The following UNC13C variants were observed in gnomAD, a reference collection of about 807,000 sequenced individuals.
UNC13C encodes protein unc-13 homolog C.
UNC13C carries 174 observed loss-of-function variants against 245.4 expected under a neutral mutation model. The ratio of observed to expected loss-of-function variants is 0.71; its 90% CI spans 0.63 to 0.80. UNC13C has a LOEUF of 0.80. Ranked by LOEUF, UNC13C falls within the 30% of genes least tolerant of loss-of-function variation. The probability of loss-of-function intolerance (pLI) is 0.00; values close to 1 mark genes in which losing one functional copy is unlikely to be tolerated. For synonymous variants in UNC13C, 992 were observed against 895.1 expected (o/e 1.11, Z -1.93); for missense variants, 2,829 against 2,602.9 (o/e 1.09, Z -1.89).
intron 2 of UNC13C, among the ~76,000 whole-genome samples, chr15:54,039,783 G>T (rs543690037): frequency 5.3e-5 from 8 of 152,048 alleles, no homozygotes; most frequent in African/African-American, 1.9e-4. Flanking sequence ...TCACTTGGGT[G>T]TCTAGAATCT....
At chr15:53,993,455 G>A (rs1465622112) in intron 1 of UNC13C, among the ~76,000 whole-genome samples, 1 of 152,046 alleles carries the variant, frequency 6.6e-6, no homozygotes, top group Non-Finnish European at 1.5e-5. Flanking sequence ...AAGTTGAAGG[G>A]ATGAGTGACT....
At chr15:54,332,957 A>G (rs34238399) in intron 15 of UNC13C, among the ~76,000 whole-genome samples, 41,768 of 151,610 alleles carry the variant, frequency 0.28, 6,191 homozygotes, top group Admixed American at 0.36. Context: ...TGGATCTGGG[A>G]CCAACATAAT....
intron 4 of UNC13C, among the ~76,000 whole-genome samples, chr15:54,152,940 T>C (rs1453180412): frequency 6.6e-6 from 1 of 152,186 alleles, no homozygotes; most frequent in Admixed American, 6.5e-5. Flanking sequence ...TATCTTTTAA[T>C]GAATGAATAC....
At chr15:54,235,603 T>C (rs1244631400) in intron 5 of UNC13C, among the ~76,000 whole-genome samples, 1 of 152,078 alleles carries the variant, frequency 6.6e-6, no homozygotes, top group Non-Finnish European at 1.5e-5. Context: ...AAAATCATGG[T>C]TCACTTTGGG....
At chr15:53,865,175 G>A in the UNC13C span, among the ~76,000 whole-genome samples, 1 of 152,182 alleles carries the variant, frequency 6.6e-6, no homozygotes, top group Admixed American at 6.5e-5. Context: ...TGTAGCTTAA[G>A]AATATCAACA....
At chr15:54,226,485 G>C (rs2035388003) in intron 4 of UNC13C, among the ~76,000 whole-genome samples, 1 of 152,166 alleles carries the variant, frequency 6.6e-6, no homozygotes, top group Admixed American at 6.5e-5. Flanking sequence ...CAATTTGCTA[G>C]CTGGAAACCT....
intron 2 of UNC13C, among the ~76,000 whole-genome samples, chr15:54,047,012 C>A (rs939935294): frequency 3.9e-5 from 6 of 152,050 alleles, no homozygotes; most frequent in African/African-American, 1.4e-4. Context: ...CATAAACGCA[C>A]TCTATAATGT....
intron 10 of UNC13C, among the ~76,000 whole-genome samples, chr15:54,290,909 GATTT>G (rs2037280561): frequency 6.6e-6 from 1 of 151,946 alleles, no homozygotes. Context: ...AAACTCTGAT[GATTT>G]ATTTATCAAA....
chr15:53,875,539 A>T, the UNC13C span, among the ~76,000 whole-genome samples: 10 of 152,094 alleles, frequency 6.6e-5, no homozygotes, highest in Admixed American at 5.2e-4. Context: ...AGATTTTCCA[A>T]AAAACAAGTC....
chr15:54,157,822 C>T (rs1268772445), intron 4 of UNC13C, among the ~76,000 whole-genome samples: 1 of 152,124 alleles, frequency 6.6e-6, no homozygotes, highest in Non-Finnish European at 1.5e-5. Context: ...TGATCTTTGA[C>T]AAACCTGACA....
intron 17 of UNC13C, among the ~76,000 whole-genome samples, chr15:54,339,931 A>G (rs1596249320): frequency 6.6e-6 from 1 of 152,072 alleles, no homozygotes; most frequent in Non-Finnish European, 1.5e-5. Flanking sequence ...TTCTCTTTTC[A>G]CTGCATCCAT....
At chr15:54,604,242 C>G (rs1899626570) in intron 30 of UNC13C, among the ~76,000 whole-genome samples, 1 of 152,100 alleles carries the variant, frequency 6.6e-6, no homozygotes, top group East Asian at 1.9e-4. Flanking sequence ...CTAAAATTTC[C>G]AAAAGTATGA....
chr15:54,004,025 A>G (rs1275387400), intron 1 of UNC13C, among the ~76,000 whole-genome samples: 1 of 152,072 alleles, frequency 6.6e-6, no homozygotes, highest in Non-Finnish European at 1.5e-5. Flanking sequence ...AAACAAACAA[A>G]CAAAACAAAC....
At chr15:54,391,336 A>G (rs2039952635) in intron 17 of UNC13C, among the ~76,000 whole-genome samples, 2 of 152,136 alleles carry the variant, frequency 1.3e-5, no homozygotes, top group South Asian at 2.1e-4. Context: ...CTGGATTTCT[A>G]AATCCTTTAG....
intron 30 of UNC13C, among the ~76,000 whole-genome samples, chr15:54,599,123 AG>A (rs2141268434): frequency 6.6e-6 from 1 of 152,138 alleles, no homozygotes; most frequent in East Asian, 1.9e-4. Context: ...ACACATATAT[AG>A]GTAGAGAAAT....
At chr15:54,259,618 C>G (rs1211512934) in intron 8 of UNC13C, among the ~76,000 whole-genome samples, 5 of 152,212 alleles carry the variant, frequency 3.3e-5, no homozygotes, top group African/African-American at 1.2e-4. Context: ...AATTCAAGAT[C>G]AGATTTGGGC....
At chr15:54,389,133 T>G (rs773038825) in intron 17 of UNC13C, among the ~76,000 whole-genome samples, 1 of 152,182 alleles carries the variant, frequency 6.6e-6, no homozygotes, top group Admixed American at 6.5e-5. Context: ...ATCTCTCTAG[T>G]CTTTTATTTC....
At chr15:54,205,575 C>A (rs1247481099) in intron 4 of UNC13C, among the ~76,000 whole-genome samples, 1 of 151,948 alleles carries the variant, frequency 6.6e-6, no homozygotes, top group Non-Finnish European at 1.5e-5. Flanking sequence ...CCATAGTAAT[C>A]GATGATGGGT....
At chr15:54,462,623 G>A (rs1476466198) in intron 19 of UNC13C, among the ~76,000 whole-genome samples, 1 of 152,216 alleles carries the variant, frequency 6.6e-6, no homozygotes, top group Non-Finnish European at 1.5e-5. Context: ...GGGGGCGCCG[G>A]GTCCCCCAGC....
Sources: allele counts gnomAD v4.1 joint callset (sites outside exome capture counted in the v4.1 genomes callset), GRCh38; gene constraint gnomAD v4.1.1; transcripts MANE v1.5; gene names NCBI Gene and HGNC (gene_info 2026-07-23, HGNC 2026-07-21).